The following DNAH11 variants were observed in gnomAD, a reference collection of about 807,000 sequenced individuals.
DNAH11 encodes axonemal beta dynein heavy chain 11.
DNAH11 carries 442 observed loss-of-function variants against 526.0 expected under a neutral mutation model. The ratio of observed to expected loss-of-function variants is 0.84; its 90% CI spans 0.78 to 0.91. DNAH11 has a LOEUF of 0.91. DNAH11 is among the 40% of genes least tolerant of loss of function. The probability of loss-of-function intolerance (pLI) is 0.00; values close to 1 mark genes in which losing one functional copy is unlikely to be tolerated. For synonymous variants in DNAH11, 2,461 were observed against 1,935.9 expected, an observed-to-expected ratio of 1.27 and a Z score of -7.12; for missense variants, 6,989 against 5,448.7, an observed-to-expected ratio of 1.28 and a Z score of -8.90.
intron 45 of DNAH11, among the ~76,000 whole-genome samples, chr7:21,727,940 C>G (rs1005694695): frequency 1.3e-5 from 2 of 152,210 alleles, no homozygotes; most frequent in African/African-American, 4.8e-5. Flanking sequence ...CCTCACATAG[C>G]CTTTTCTCTG....
chr7:21,547,918 A>G (rs934470511), intron 2 of DNAH11, among the ~76,000 whole-genome samples: 1 of 152,114 alleles, frequency 6.6e-6, no homozygotes, highest in Non-Finnish European at 1.5e-5. Context: ...ATAGTAGCAG[A>G]TTATTTTGCT....
intron 34 of DNAH11, among the ~76,000 whole-genome samples, chr7:21,688,086 A>T (rs1227861816): frequency 6.6e-6 from 1 of 152,100 alleles, no homozygotes; most frequent in African/African-American, 2.4e-5. Flanking sequence ...GACTTCTAAG[A>T]TGCTCATTCC....
intron 36 of DNAH11, among the ~76,000 whole-genome samples, chr7:21,701,338 G>T (rs1784049296): frequency 6.8e-6 from 1 of 147,452 alleles, no homozygotes; most frequent in African/African-American, 2.5e-5. Flanking sequence ...TACCCAGGCT[G>T]GAGTACAGTA....
At chr7:21,803,809 AGTG>A (rs1789116076) in intron 62 of DNAH11, among the ~76,000 whole-genome samples, 1 of 150,234 alleles carries the variant, frequency 6.7e-6, no homozygotes, top group Admixed American at 6.6e-5. Context: ...AGTCTGGAAA[AGTG>A]GGGAATGGGG....
chr7:21,601,031 T>G lies in DNAH11; in HGVS notation c.3277T>G (p.Tyr1093Asp). 1 of 1,611,876 alleles carries G rather than the reference T, an allele frequency of 6.2e-7. No homozygotes were observed. Residue 1093 changes from tyrosine (Y) to aspartate (D), a missense_variant, in exon 17 of 82, where the codon TAT becomes GAT. By Grantham distance (160) the Tyr-to-Asp change is radical (BLOSUM62 -3). Transcript: ENST00000409508. The part of the protein sequence containing the change: ...KEQIDIYEAL[Y>D]VQMSKFEDFR... ...ACAGATTGACATTTATGAAGCTTTGTATGTTCAAATGAGCAAATTTGAGGA... is the reference window on the plus strand; with the variant it reads ...ACAGATTGACATTTATGAAGCTTTGGATGTTCAAATGAGCAAATTTGAGGA...
intron 2 of DNAH11, among the ~76,000 whole-genome samples, chr7:21,550,663 A>T (rs1228569920): frequency 6.6e-6 from 1 of 152,160 alleles, no homozygotes; most frequent in Admixed American, 6.5e-5. Flanking sequence ...ATCCCATTTA[A>T]TTTGAAACCT....
rs1303227208 is a variant in DNAH11 at position 21,658,867 on chromosome 7, A to C, written c.5164A>C (p.Ile1722Leu). 6.2e-7 allele frequency: 1 copy of C among 1,607,738 alleles called. No individual in the cohort carries two copies. The highest frequency in any genetic ancestry group is 8.5e-7 in the Non-Finnish European group (1 of 1,177,132). ...GGTGCGTCATTCTATAACAGAAGCC[A>C]TAGTGGCCTACGAGGAAAAACCTAG... ...ETVRHSITEA[I>L]VAYEEKPREL... The change falls in exon 30 of 82, where the codon ATA (isoleucine) becomes CTA (leucine). Residue 1722 changes from isoleucine (I) to leucine (L), a missense_variant. Physicochemically the swap from Ile to Leu is conservative, Grantham distance 5. Transcript: ENST00000409508.
At chr7:21,715,895 C>T (rs750565962) in intron 42 of DNAH11, among the ~76,000 whole-genome samples, 3 of 146,740 alleles carry the variant, frequency 2.0e-5, no homozygotes, top group Non-Finnish European at 3.0e-5. Context: ...CAAGCAGAAT[C>T]GGCTCTTACC....
chr7:21,828,996 G>A (rs1236274151), intron 65 of DNAH11, among the ~76,000 whole-genome samples: 2 of 151,978 alleles, frequency 1.3e-5, no homozygotes, highest in African/African-American at 2.4e-5. Context: ...ACCTTTCTTC[G>A]GGAAATGGGT....
chr7:21,656,527 C>G (rs548585650), intron 29 of DNAH11, among the ~76,000 whole-genome samples: 5 of 152,252 alleles, frequency 3.3e-5, no homozygotes, highest in Non-Finnish European at 7.4e-5. Context: ...CCTCTCACAG[C>G]CAAATACCTC....
chr7:21,862,459 C>A (rs540166728), intron 69 of DNAH11, among the ~76,000 whole-genome samples: 1 of 152,124 alleles, frequency 6.6e-6, no homozygotes, highest in Admixed American at 6.5e-5. Flanking sequence ...CTGAATTTTC[C>A]TTTTTTCATT....
intron 8 of DNAH11, among the ~76,000 whole-genome samples, chr7:21,577,222 CAAA>C (rs1173025692): frequency 6.6e-6 from 1 of 152,180 alleles, no homozygotes; most frequent in Non-Finnish European, 1.5e-5. Context: ...GAGCTTAACA[CAAA>C]AGAAGATTTG....
At chr7:21,621,556 T>G (rs925790175) in intron 25 of DNAH11, among the ~76,000 whole-genome samples, 1 of 152,094 alleles carries the variant, frequency 6.6e-6, no homozygotes, top group African/African-American at 2.4e-5. Context: ...TGATGAACAT[T>G]GATGCAAAAA....
At chr7:21,584,265 C>T (rs1034930635) in intron 9 of DNAH11, among the ~76,000 whole-genome samples, 15 of 152,280 alleles carry the variant, frequency 9.9e-5, no homozygotes, top group African/African-American at 3.6e-4. Context: ...AGAATGAGTT[C>T]ATGTCCTTTG....
chr7:21,819,114 C>G (rs1204515888), intron 65 of DNAH11, among the ~76,000 whole-genome samples: 3 of 152,192 alleles, frequency 2.0e-5, no homozygotes, highest in Non-Finnish European at 4.4e-5. Flanking sequence ...TATGCCTCTT[C>G]ACACAACCGA....
intron 63 of DNAH11, among the ~76,000 whole-genome samples, chr7:21,810,244 G>A (rs1461623452): frequency 6.6e-6 from 1 of 152,124 alleles, no homozygotes; most frequent in Non-Finnish European, 1.5e-5. Flanking sequence ...GTACAAATGA[G>A]AAAACTGAGA....
intron 74 of DNAH11, among the ~76,000 whole-genome samples, chr7:21,878,111 A>G (rs754431715): frequency 6.6e-6 from 1 of 152,204 alleles, no homozygotes; most frequent in Non-Finnish European, 1.5e-5. Context: ...TTCACAATGG[A>G]GTCTGTATTT....
chr7:21,786,188 A>C (rs1028469520), intron 58 of DNAH11, among the ~76,000 whole-genome samples: 2 of 152,158 alleles, frequency 1.3e-5, no homozygotes, highest in African/African-American at 4.8e-5. Flanking sequence ...AAGACAGAAA[A>C]ACAAACCTAA....
intron 39 of DNAH11, among the ~76,000 whole-genome samples, chr7:21,706,068 A>G (rs1192467731): frequency 6.6e-6 from 1 of 152,158 alleles, no homozygotes; most frequent in Non-Finnish European, 1.5e-5. Context: ...CAGAAATATA[A>G]CCCTCTATAT....
Sources: gnomAD v4.1 joint callset for allele counts (sites outside exome capture counted in the v4.1 genomes callset) on GRCh38, gnomAD v4.1.1 for gene constraint, MANE v1.5 for transcripts, NCBI Gene and HGNC (gene_info 2026-07-23, HGNC 2026-07-21) for gene names.